The following NOL10 variants were observed in gnomAD, a reference collection of about 807,000 sequenced individuals.
NOL10 encodes nucleolar protein 10, also known as H_NH0074G24.1.
A neutral mutation model predicts 103.5 loss-of-function variants in NOL10; 58 were observed. The observed-to-expected ratio is 0.56, with a 90% CI of 0.45 to 0.70. The LOEUF (loss-of-function observed/expected upper bound fraction) is 0.70, where lower values mean the gene tolerates loss of function less well. Ranked by LOEUF, NOL10 falls within the 30% of genes least tolerant of loss-of-function variation. The pLI is 0.00. For synonymous variants in NOL10, 287 were observed against 282.5 expected (o/e 1.02, Z -0.16); for missense variants, 763 against 807.3 (o/e 0.95, Z 0.67).
At chr2:10,574,721 G>C (rs1674364606) in intron 20 of NOL10, among the ~76,000 whole-genome samples, 1 of 151,888 alleles carries the variant, frequency 6.6e-6, no homozygotes, top group Non-Finnish European at 1.5e-5. Flanking sequence ...CAAGGTGTGT[G>C]TGTTGGAGCT....
chr2:10,667,002 T>C (rs1238332686), intron 8 of NOL10, among the ~76,000 whole-genome samples: 5 of 152,148 alleles, frequency 3.3e-5, no homozygotes, highest in Admixed American at 2.0e-4. Context: ...AAACTATTGG[T>C]AAGTGTGAAG....
At chr2:10,597,011 C>T (rs1303937956) in intron 17 of NOL10, among the ~76,000 whole-genome samples, 1 of 152,000 alleles carries the variant, frequency 6.6e-6, no homozygotes, top group African/African-American at 2.4e-5. Context: ...GCCCTGTAGC[C>T]CAGGCTGCAG....
At chr2:10,639,520 C>A (rs888077344) in intron 13 of NOL10, among the ~76,000 whole-genome samples, 5 of 152,176 alleles carry the variant, frequency 3.3e-5, no homozygotes, top group African/African-American at 4.8e-5. Flanking sequence ...CACACCCCAA[C>A]CACCACCACC....
intron 12 of NOL10, among the ~76,000 whole-genome samples, chr2:10,644,971 GGCAATAT>G (rs1313314790): frequency 6.6e-6 from 1 of 152,088 alleles, no homozygotes; most frequent in Non-Finnish European, 1.5e-5. Context: ...GCTCCAACAT[GGCAATAT>G]GCAAACATCA....
chr2:10,679,642 T>C (rs1240376578), intron 3 of NOL10, among the ~76,000 whole-genome samples: 1 of 151,992 alleles, frequency 6.6e-6, no homozygotes, highest in Non-Finnish European at 1.5e-5. Context: ...CTTTCTTTCT[T>C]TGAGACAGAG....
intron 19 of NOL10, among the ~76,000 whole-genome samples, chr2:10,587,064 TA>T (rs1558269886): frequency 2.4e-5 from 1 of 41,358 alleles, no homozygotes; most frequent in African/African-American, 1.0e-4. Context: ...TACATATATA[TA>T]TACATATATA....
chr2:10,657,697 C>A, intron 11 of NOL10, 45 bp downstream of exon 11: 1 of 1,498,522 alleles, frequency 6.7e-7, no homozygotes, highest in Non-Finnish European at 9.1e-7. Context: ...TCATTCGGAA[C>A]ACCTGCAAAT....
intron 17 of NOL10, among the ~76,000 whole-genome samples, chr2:10,592,117 G>A (rs1363434920): frequency 6.6e-6 from 1 of 152,178 alleles, no homozygotes; most frequent in Non-Finnish European, 1.5e-5. Context: ...AGACTAAGAA[G>A]CCATTTTAAG....
intron 13 of NOL10, among the ~76,000 whole-genome samples, chr2:10,623,407 C>T (rs1677261535): frequency 6.6e-6 from 1 of 152,152 alleles, no homozygotes; most frequent in Non-Finnish European, 1.5e-5. Context: ...CCTGATTCTG[C>T]CACCCTTCTA....
intron 13 of NOL10, among the ~76,000 whole-genome samples, chr2:10,632,219 G>C (rs774468451): frequency 6.6e-6 from 1 of 152,068 alleles, no homozygotes; most frequent in Non-Finnish European, 1.5e-5. Flanking sequence ...GGATATAACA[G>C]GGAAAAAGAC....
chr2:10,644,884 A>T (rs1168561753), intron 12 of NOL10, among the ~76,000 whole-genome samples: 1 of 152,272 alleles, frequency 6.6e-6, no homozygotes, highest in African/African-American at 2.4e-5. Flanking sequence ...GTATCAAAGT[A>T]TTCAAATATC....
intron 12 of NOL10, among the ~76,000 whole-genome samples, chr2:10,653,419 C>T (rs142459430): frequency 5.3e-5 from 8 of 152,250 alleles, no homozygotes; most frequent in African/African-American, 1.9e-4. Context: ...CCTGTGCTCC[C>T]CATCTCAGCT....
At chr2:10,582,985 G>C (rs74979008) in intron 19 of NOL10, among the ~76,000 whole-genome samples, 30,830 of 152,158 alleles carry the variant, frequency 0.2, 4,113 homozygotes, top group Non-Finnish European at 0.3. Context: ...TTGGCCACTT[G>C]GCAGGACTGA....
At chr2:10,594,430 A>G (rs549637590) in intron 17 of NOL10, among the ~76,000 whole-genome samples, 38 of 152,296 alleles carry the variant, frequency 2.5e-4, no homozygotes, top group African/African-American at 8.7e-4. Context: ...GGATAATGGT[A>G]AAGGGAGGTC....
chr2:10,664,492 T>C (rs568983423), intron 8 of NOL10, among the ~76,000 whole-genome samples: 1 of 152,238 alleles, frequency 6.6e-6, no homozygotes, highest in Non-Finnish European at 1.5e-5. Context: ...TGAATATACA[T>C]GTACTAGAAT....
At chr2:10,579,560 C>CT (rs398043037) in intron 19 of NOL10, among the ~76,000 whole-genome samples, 50,608 of 144,076 alleles carry the variant, frequency 0.35, 8,938 homozygotes, top group Non-Finnish European at 0.41. Flanking sequence ...TTTCGGTTAG[C>CT]TTTTTTTTTT....
chr2:10,575,039 T>C (rs1674386859), intron 20 of NOL10, among the ~76,000 whole-genome samples: 1 of 152,240 alleles, frequency 6.6e-6, no homozygotes, highest in African/African-American at 2.4e-5. Flanking sequence ...CTATGGGCCA[T>C]TAGCGCTTCT....
chr2:10,616,510 G>A (rs10929687), intron 13 of NOL10, among the ~76,000 whole-genome samples: 89,648 of 150,734 alleles, frequency 0.59, 27,521 homozygotes, highest in African/African-American at 0.74. Flanking sequence ...ATGAGCCACC[G>A]TGTCTGGCCC....
intron 19 of NOL10, among the ~76,000 whole-genome samples, chr2:10,584,401 T>C (rs1488683205): frequency 6.6e-6 from 1 of 152,192 alleles, no homozygotes; most frequent in Non-Finnish European, 1.5e-5. Flanking sequence ...TAAAAATATG[T>C]GTCAACAGAC....
Sources: gnomAD v4.1 joint callset for allele counts (sites outside exome capture counted in the v4.1 genomes callset) on GRCh38, gnomAD v4.1.1 for gene constraint, MANE v1.5 for transcripts, NCBI Gene and HGNC (gene_info 2026-07-23, HGNC 2026-07-21) for gene names.